WDR72: variants seen among roughly 807,000 people sequenced by gnomAD.
WDR72 encodes the protein WD repeat domain 72.
A neutral mutation model predicts 124.2 loss-of-function variants in WDR72; 120 were observed. That is an observed-to-expected ratio of 0.97 (90% CI 0.83 to 1.12). The LOEUF (loss-of-function observed/expected upper bound fraction) is 1.12. WDR72 is among the 50% of genes most tolerant of loss of function. The pLI is 0.00. For synonymous variants in WDR72, 452 were observed against 441.7 expected, an observed-to-expected ratio of 1.02 and a Z score of -0.29; for missense variants, 1,387 against 1,278.8, an observed-to-expected ratio of 1.08 and a Z score of -1.29.
chr15:53,589,348 C>T lies in WDR72; in HGVS notation c.3148+7731G>A, dbSNP rs143402612. Among the ~76,000 whole-genome samples, 19 of 151,962 alleles carry T rather than the reference C, an allele frequency of 1.3e-4. No homozygotes were observed. The East Asian group carries it at 2.3e-3, about 19-fold the overall frequency. ...TGTCTGGATGCTAAAGAATAGCAAT[C>T]GGCTGGTTTCCCTCCACTGCTCCTT... On this transcript the variant is annotated intron_variant, in intron 18 of 19. Coordinates refer to ENST00000360509, the MANE Select transcript of WDR72 (RefSeq NM_182758.4).
chr15:53,702,110 G>T, intron 12 of WDR72, 24 bp downstream of exon 12: 1 of 1,556,220 alleles, frequency 6.4e-7, no homozygotes, highest in Non-Finnish European at 8.8e-7. Flanking sequence ...AAATTTAGAT[G>T]TTATATTTTA....
intron 13 of WDR72, among the ~76,000 whole-genome samples, chr15:53,692,344 T>C (rs1296195785): frequency 6.6e-6 from 1 of 152,208 alleles, no homozygotes; most frequent in Non-Finnish European, 1.5e-5. Flanking sequence ...GAAATAATTA[T>C]TGAGCACAAT....
At chr15:53,626,933 G>C (rs2014235017) in intron 14 of WDR72, among the ~76,000 whole-genome samples, 1 of 152,080 alleles carries the variant, frequency 6.6e-6, no homozygotes, top group Non-Finnish European at 1.5e-5. Context: ...TTGTCACTTC[G>C]TACAGTAACA....
intron 1 of WDR72, among the ~76,000 whole-genome samples, chr15:53,742,144 C>A (rs1342768717): frequency 2.0e-5 from 3 of 152,190 alleles, no homozygotes; most frequent in Non-Finnish European, 4.4e-5. Flanking sequence ...AAGTCACTTT[C>A]TTCAGACTCT....
At chr15:53,545,594 T>C (rs938235113) in intron 18 of WDR72, among the ~76,000 whole-genome samples, 1 of 151,786 alleles carries the variant, frequency 6.6e-6, no homozygotes, top group African/African-American at 2.4e-5. Flanking sequence ...ATTCAGGACA[T>C]AGGCATGGGG....
chr15:53,570,993 G>A (rs1025285184), intron 18 of WDR72, among the ~76,000 whole-genome samples: 4 of 151,948 alleles, frequency 2.6e-5, no homozygotes, highest in African/African-American at 4.8e-5. Flanking sequence ...ACCAAATACC[G>A]AATATTCTCA....
intron 16 of WDR72, among the ~76,000 whole-genome samples, chr15:53,612,944 AG>A (rs966036172): frequency 6.6e-5 from 10 of 151,650 alleles, no homozygotes; most frequent in African/African-American, 2.2e-4. Context: ...TTGCTGGTGT[AG>A]GGGGTGAGAA....
intron 14 of WDR72, among the ~76,000 whole-genome samples, chr15:53,624,884 A>C (rs928769988): frequency 2.6e-5 from 4 of 152,222 alleles, no homozygotes; most frequent in Non-Finnish European, 5.9e-5. Flanking sequence ...AGTAACACAG[A>C]AAAATGACAG....
intron 18 of WDR72, among the ~76,000 whole-genome samples, chr15:53,590,634 G>A (rs867937384): frequency 3.3e-5 from 5 of 152,082 alleles, no homozygotes; most frequent in South Asian, 4.1e-4. Flanking sequence ...AATGTAATAC[G>A]GTGATGAAGA....
chr15:53,523,373 AAGT>A, intron 18 of WDR72, 51 bp from the exon 19 acceptor site: 2 of 1,557,604 alleles, frequency 1.3e-6, no homozygotes, highest in Non-Finnish European at 1.8e-6. Flanking sequence ...GAGGATGAAA[AAGT>A]AGTAGCAAAC....
intron 18 of WDR72, among the ~76,000 whole-genome samples, chr15:53,545,900 A>G (rs1407057210): frequency 1.6e-5 from 2 of 124,232 alleles, no homozygotes; most frequent in Non-Finnish European, 3.4e-5. Flanking sequence ...GCAGCCAAAA[A>G]ACACATGAAA....
At chr15:53,549,847 C>T (rs1364530032) in intron 18 of WDR72, among the ~76,000 whole-genome samples, 1 of 152,264 alleles carries the variant, frequency 6.6e-6, no homozygotes, top group East Asian at 1.9e-4. Context: ...GTGCCCAACT[C>T]TATAATACAT....
intron 18 of WDR72, among the ~76,000 whole-genome samples, chr15:53,568,793 T>C (rs1012145839): frequency 2.0e-5 from 3 of 152,126 alleles, no homozygotes; most frequent in African/African-American, 4.8e-5. Flanking sequence ...AGGGTTATCA[T>C]TTCTCATGAG....
At chr15:53,682,278 C>G (rs4774672) in intron 13 of WDR72, among the ~76,000 whole-genome samples, 81,911 of 151,684 alleles carry the variant, frequency 0.54, 23,012 homozygotes, top group East Asian at 0.82. Context: ...ATGTTCACCA[C>G]ATGGAACTAA....
At chr15:53,540,732 C>A (rs1423958255) in intron 18 of WDR72, among the ~76,000 whole-genome samples, 3 of 152,116 alleles carry the variant, frequency 2.0e-5, no homozygotes, top group East Asian at 1.9e-4. Context: ...ATCTGAGGTA[C>A]CGGGTTCATC....
intron 13 of WDR72, among the ~76,000 whole-genome samples, chr15:53,677,170 T>C (rs926797492): frequency 1.3e-5 from 2 of 152,290 alleles, no homozygotes; most frequent in Non-Finnish European, 2.9e-5. Flanking sequence ...TCCACCCGCC[T>C]TGGCCTCCCA....
At chr15:53,523,656 T>C (rs1387432207) in intron 18 of WDR72, among the ~76,000 whole-genome samples, 1 of 151,994 alleles carries the variant, frequency 6.6e-6, no homozygotes, top group Admixed American at 6.6e-5. Context: ...TTAACAGCAA[T>C]AGAACACAGA....
At chr15:53,644,841 G>A (rs113561604) in intron 14 of WDR72, among the ~76,000 whole-genome samples, 14 of 152,194 alleles carry the variant, frequency 9.2e-5, no homozygotes, top group Non-Finnish European at 1.8e-4. Context: ...AACATGGGGA[G>A]CTGAGCTTAC....
chr15:53,573,706 T>A (rs752621142), intron 18 of WDR72, among the ~76,000 whole-genome samples: 2 of 152,078 alleles, frequency 1.3e-5, no homozygotes, highest in African/African-American at 4.8e-5. Context: ...CCACCACACC[T>A]AGCTAATTTT....
Sources: allele counts gnomAD v4.1 joint callset (sites outside exome capture counted in the v4.1 genomes callset), GRCh38; gene constraint gnomAD v4.1.1; transcripts MANE v1.5; gene names NCBI Gene and HGNC (gene_info 2026-07-23, HGNC 2026-07-21).